The following ROR1 variants were observed in gnomAD, a reference collection of about 807,000 sequenced individuals.
ROR1 encodes inactive tyrosine-protein kinase transmembrane receptor ROR1.
In ROR1, 19 loss-of-function variants were observed where a neutral mutation model predicts 78.8. That is an observed-to-expected ratio of 0.24 (90% confidence interval 0.17 to 0.35). The LOEUF is 0.35. ROR1 is among the 10% of genes least tolerant of loss of function. The pLI, the probability that ROR1 is intolerant of heterozygous loss-of-function variation, is 1.00. For missense variants in ROR1, 917 were observed against 1,177.8 expected, an observed-to-expected ratio of 0.78 and a Z score of 3.24; for synonymous variants, 386 against 433.6, an observed-to-expected ratio of 0.89 and a Z score of 1.36.
intron 4 of ROR1, among the ~76,000 whole-genome samples, chr1:64,132,092 C>T (rs1287602243): frequency 6.6e-6 from 1 of 152,184 alleles, no homozygotes; most frequent in Non-Finnish European, 1.5e-5. Flanking sequence ...TAGCAACCAC[C>T]GATCTGCTTT....
At chr1:63,810,501 G>A (rs919196416) in intron 1 of ROR1, among the ~76,000 whole-genome samples, 4 of 152,228 alleles carry the variant, frequency 2.6e-5, no homozygotes, top group African/African-American at 9.6e-5. Flanking sequence ...AAACACACAT[G>A]TAATCTAAAT....
chr1:63,963,625 A>C (rs1165937242), intron 1 of ROR1, among the ~76,000 whole-genome samples: 1 of 152,086 alleles, frequency 6.6e-6, no homozygotes, highest in East Asian at 1.9e-4. Flanking sequence ...AAGAAAAAAA[A>C]GAATTCTGAT....
intron 4 of ROR1, among the ~76,000 whole-genome samples, chr1:64,057,772 C>T (rs986144254): frequency 4.6e-5 from 7 of 152,136 alleles, no homozygotes; most frequent in African/African-American, 1.7e-4. Context: ...TAGTCATCAC[C>T]TCTTTCTATA....
At chr1:63,945,813 A>G (rs1645882978) in intron 1 of ROR1, among the ~76,000 whole-genome samples, 2 of 152,346 alleles carry the variant, frequency 1.3e-5, no homozygotes, top group South Asian at 4.1e-4. Context: ...AATTACATAT[A>G]GTTTACTAAA....
chr1:63,948,644 T>C (rs1645909816), intron 1 of ROR1, among the ~76,000 whole-genome samples: 1 of 152,186 alleles, frequency 6.6e-6, no homozygotes, highest in African/African-American at 2.4e-5. Flanking sequence ...GATTCTTATA[T>C]TGAAACCCTA....
intron 1 of ROR1, among the ~76,000 whole-genome samples, chr1:63,856,178 G>C (rs537780167): frequency 1.3e-5 from 2 of 151,590 alleles, no homozygotes; most frequent in African/African-American, 4.9e-5. Context: ...TTTCCTTGTT[G>C]GGTACTGGCT....
chr1:64,052,490 A>G (rs1357958891), intron 4 of ROR1, among the ~76,000 whole-genome samples: 1 of 152,082 alleles, frequency 6.6e-6, no homozygotes, highest in Non-Finnish European at 1.5e-5. Context: ...TTCTTCTTGA[A>G]GTTTTCATTC....
intron 4 of ROR1, among the ~76,000 whole-genome samples, chr1:64,051,498 A>AAAATT (rs1353493161): frequency 3.3e-5 from 5 of 151,470 alleles, no homozygotes; most frequent in African/African-American, 1.2e-4. Flanking sequence ...AAAATAAAAT[A>AAAATT]AAAAAGCTGA....
intron 1 of ROR1, among the ~76,000 whole-genome samples, chr1:63,835,839 A>C (rs1420434523): frequency 2.6e-5 from 4 of 152,226 alleles, no homozygotes; most frequent in African/African-American, 7.2e-5. Context: ...ATCTTGATAG[A>C]GCTTCATTGA....
intron 1 of ROR1, among the ~76,000 whole-genome samples, chr1:63,851,685 A>G (rs1645114853): frequency 6.6e-6 from 1 of 152,240 alleles, no homozygotes; most frequent in Non-Finnish European, 1.5e-5. Context: ...GGAATAAAAT[A>G]ATAAGCATAT....
At chr1:63,959,513 G>T (rs189759404) in intron 1 of ROR1, among the ~76,000 whole-genome samples, 1 of 152,158 alleles carries the variant, frequency 6.6e-6, no homozygotes, top group African/African-American at 2.4e-5. Context: ...CTCCCCCATC[G>T]TCTGGGTTTC....
At chr1:64,142,881 T>C (rs1649365108) in intron 7 of ROR1, 1 of 1,365,590 alleles carries the variant, frequency 7.3e-7, no homozygotes. Context: ...ATTGCACTCA[T>C]GGATGTAACA....
chr1:63,786,212 C>A (rs927724198), intron 1 of ROR1, among the ~76,000 whole-genome samples: 1 of 148,180 alleles, frequency 6.7e-6, no homozygotes, highest in Non-Finnish European at 1.5e-5. Context: ...AAGCACCTGG[C>A]ACAGGGAATA....
chr1:63,845,562 A>G (rs1645075595), intron 1 of ROR1, among the ~76,000 whole-genome samples: 1 of 152,102 alleles, frequency 6.6e-6, no homozygotes, highest in Non-Finnish European at 1.5e-5. Context: ...CTTAACATCA[A>G]TAGATATTTA....
At chr1:64,086,843 A>G (rs1471661251) in intron 4 of ROR1, among the ~76,000 whole-genome samples, 1 of 152,120 alleles carries the variant, frequency 6.6e-6, no homozygotes, top group Non-Finnish European at 1.5e-5. Flanking sequence ...TTATGTTTAT[A>G]TTGTCTCATT....
intron 4 of ROR1, among the ~76,000 whole-genome samples, chr1:64,125,697 G>C (rs574888847): frequency 6.6e-6 from 1 of 152,084 alleles, no homozygotes; most frequent in African/African-American, 2.4e-5. Flanking sequence ...TGGGGAGTTC[G>C]CCTAGTGCAC....
Position 64,178,657 on chromosome 1 carries a change from C to T in ROR1, c.2616C>T (p.Pro872=). ...GCACTGGCCATGTGACTAGCTTGCC[C>T]TCATCAGGATCCAATCAGGAAGCAA... ...STSTGHVTSL[P]SSGSNQEANI... Residue 872 remains proline (P), a synonymous_variant, in exon 9 of 9, where the codon CCC becomes CCT. Coordinates refer to ENST00000371079, the MANE Select transcript of ROR1 (RefSeq NM_005012.4). This position sits in a 1 kb window ranked among gnomAD's most constrained non-coding sequence, Gnocchi z 4.3. The T allele has an allele frequency of 6.2e-7, 1 of 1,614,148 alleles. No homozygotes were observed. The highest frequency in any genetic ancestry group is 8.5e-7 in the Non-Finnish European group (1 of 1,180,038).
intron 4 of ROR1, among the ~76,000 whole-genome samples, chr1:64,117,713 A>C (rs1648361779): frequency 6.6e-6 from 1 of 152,204 alleles, no homozygotes. Context: ...AGAGGCTTTA[A>C]AAATGCCCCA....
intron 1 of ROR1, among the ~76,000 whole-genome samples, chr1:63,814,803 G>A (rs1644880561): frequency 6.6e-6 from 1 of 152,172 alleles, no homozygotes; most frequent in Non-Finnish European, 1.5e-5. Context: ...TCGCTCACTT[G>A]CCCACAGCTC....
Sources: allele counts gnomAD v4.1 joint callset (sites outside exome capture counted in the v4.1 genomes callset), GRCh38; gene constraint gnomAD v4.1.1; non-coding constraint Gnocchi (gnomAD v3.1); transcripts MANE v1.5; gene names NCBI Gene and HGNC (gene_info 2026-07-23, HGNC 2026-07-21).